UNKL: variants seen among roughly 807,000 people sequenced by gnomAD.
UNKL encodes putative E3 ubiquitin-protein ligase UNKL.
In UNKL, 60 loss-of-function variants were observed where a neutral mutation model predicts 78.0. The observed-to-expected ratio is 0.77, with a 90% CI of 0.63 to 0.95. UNKL has a LOEUF of 0.95. Among genes scored for constraint, UNKL ranks in the 40% least tolerant of loss-of-function variants. The pLI, the probability that UNKL is intolerant of heterozygous loss-of-function variation, is 0.00. For missense variants in UNKL, 1,159 were observed against 1,045.7 expected (o/e 1.11, Z -1.49); for synonymous variants, 608 against 474.8 (o/e 1.28, Z -3.65).
chr16:1,391,694 C>CA (rs1448161556), intron 8 of UNKL, among the ~76,000 whole-genome samples: 2 of 151,396 alleles, frequency 1.3e-5, no homozygotes. Flanking sequence ...CTTTTCTTTT[C>CA]ATTTTTTTTC....
rs1327639728 is a variant in UNKL at position 1,363,451 on chromosome 16, C to T, written c.*2789G>A. 4 of 344,566 alleles carry T rather than the reference C, an allele frequency of 1.2e-5. No individual in the cohort carries two copies. The highest frequency in any genetic ancestry group is 2.3e-5 in the South Asian group (1 of 43,518). The allele number at this position is 344,566 out of a possible 1,614,324, so 21.3% of individuals were successfully genotyped here. On this transcript the variant is annotated 3_prime_UTR_variant, in exon 15 of 15. Transcript: ENST00000389221. The stretch of plus-strand genomic sequence containing the variant: ...GAAATTAATCCACTTGAGGCGTCCA[C>T]GCGGAACAAGGTCTGCTGACCACAG...
At chr16:1,400,481 T>C (rs1330844924) in intron 4 of UNKL, among the ~76,000 whole-genome samples, 1 of 107,892 alleles carries the variant, frequency 9.3e-6, no homozygotes, top group Non-Finnish European at 1.9e-5. Flanking sequence ...ATGTCCAGAA[T>C]ACACAAATTC....
chr16:1,401,706 A>C lies in UNKL; in HGVS notation c.465-5T>G, dbSNP rs993333549. The C allele has an allele frequency of 6.2e-7, 1 of 1,607,212 alleles. No individual in the cohort carries two copies. Among genetic ancestry groups the C allele is most frequent in the Non-Finnish European group, 8.5e-7 (1 of 1,177,990 alleles). On this transcript the variant is annotated splice_region_variant and splice_polypyrimidine_tract_variant and intron_variant, in intron 3 of 14. Transcript: ENST00000389221. ...GCTTCCTGGGCCTGCAGCTCCCTGC[A>C]AGCCGAGGACACAGTGGTCACAGCT...
chr16:1,388,913 T>C (rs1346255112), intron 9 of UNKL, among the ~76,000 whole-genome samples: 3 of 152,144 alleles, frequency 2.0e-5, no homozygotes, highest in African/African-American at 7.2e-5. Context: ...AAATATAATA[T>C]AAAATTTGCT....
At chr16:1,394,046 G>T in intron 7 of UNKL, 85 bp downstream of exon 7, 1 of 1,412,408 alleles carries the variant, frequency 7.1e-7, no homozygotes, top group Non-Finnish European at 9.7e-7. Flanking sequence ...CTCGTGGGCA[G>T]CTCCGGGTCA....
At chr16:1,385,448 G>A (rs117511213) in intron 9 of UNKL, 63 bp from the exon 10 acceptor site, 5 of 1,274,206 alleles carry the variant, frequency 3.9e-6, no homozygotes, top group Admixed American at 8.4e-5. Flanking sequence ...GCGCCACGTC[G>A]GCACCCTGCA....
chr16:1,414,341 C>T (rs1347509486), intron 1 of UNKL, among the ~76,000 whole-genome samples: 1 of 152,092 alleles, frequency 6.6e-6, no homozygotes, highest in African/African-American at 2.4e-5. Flanking sequence ...CAGAGGGTCC[C>T]GGTCCCCGAG....
intron 10 of UNKL, among the ~76,000 whole-genome samples, chr16:1,383,059 A>C (rs2036662451): frequency 6.7e-6 from 1 of 150,144 alleles, no homozygotes; most frequent in Non-Finnish European, 1.5e-5. Context: ...GGAGATCAAG[A>C]CCAGGCTGGC....
At position 1,366,278 on chromosome 16, in the gene UNKL, C is replaced by A; in HGVS notation, c.2164G>T (p.Glu722Ter). Reference sequence around the variant, plus strand: ...GGCTGGCCCTTGCAGTAGGGGCACTCAGGTGCGGTGGCCGCACACGGCTCA... The same window carrying A: ...GGCTGGCCCTTGCAGTAGGGGCACTAAGGTGCGGTGGCCGCACACGGCTCA... The part of the protein sequence containing the change: ...LCEPCAATAP[E>*]CPYCKGQPLQ... Residue 722 changes from glutamate (E) to a stop codon, truncating the protein, a stop_gained, in exon 15 of 15, where the codon GAG (glutamate) becomes TAG (stop). Coordinates refer to ENST00000389221, the MANE Select transcript of UNKL (RefSeq NM_001372107.1). LOFTEE classifies it high-confidence loss of function. 1 of 1,592,708 alleles carries A rather than the reference C, an allele frequency of 6.3e-7. No individual in the cohort carries two copies. Among genetic ancestry groups the A allele is most frequent in the Middle Eastern group, 2.1e-4 (1 of 4,802 alleles).
intron 10 of UNKL, among the ~76,000 whole-genome samples, chr16:1,382,402 T>A (rs919368155): frequency 2.6e-5 from 4 of 152,156 alleles, no homozygotes; most frequent in Non-Finnish European, 5.9e-5. Flanking sequence ...GGCAGCCCCA[T>A]ACTCCCAGCC....
At chr16:1,371,417 C>A (rs2035828304) in intron 11 of UNKL, 102 bp downstream of exon 11, 2 of 1,152,710 alleles carry the variant, frequency 1.7e-6, no homozygotes, top group East Asian at 5.1e-5. Context: ...AACCTCAGCT[C>A]ACTGCAGCCT....
In UNKL at chr16:1,399,942, C is replaced by A. The variant is rs551612190; in HGVS notation, c.599-433G>T. 1.6e-5 allele frequency among the ~76,000 whole-genome samples: 1 copy of A among 60,790 alleles called. No homozygotes were observed. The highest frequency in any genetic ancestry group is 1.1e-3 in the East Asian group (1 of 906). The allele number at this position is 60,790 out of a possible 152,430, so 39.9% of individuals were successfully genotyped here. A position where few individuals can be genotyped will look rare whatever the true frequency, so the allele number is the denominator to read the frequency against. Reference sequence around the variant, plus strand: ...TGCCGCATGGTGAGCCTCATGCGCACCACAGCCTCTGGGTGACAAGCACAC... The same window carrying A: ...TGCCGCATGGTGAGCCTCATGCGCAACACAGCCTCTGGGTGACAAGCACAC... On this transcript the variant is annotated intron_variant, in intron 4 of 14. Coordinates refer to ENST00000389221, the MANE Select transcript of UNKL (RefSeq NM_001372107.1). The surrounding 1 kb of genome is among the most constrained non-coding windows in gnomAD (Gnocchi z 5.8).
chr16:1,405,434 G>A lies in UNKL; in HGVS notation c.288-2090C>T, dbSNP rs115553883. On this transcript the variant is annotated intron_variant, in intron 2 of 14. Coordinates refer to ENST00000389221, the MANE Select transcript of UNKL (RefSeq NM_001372107.1). ...TCTACTAAAAATACAAAATTTAGCCGGGCATGATAGCAGGCGCTTATAATC... is the reference window on the plus strand; with the variant it reads ...TCTACTAAAAATACAAAATTTAGCCAGGCATGATAGCAGGCGCTTATAATC... Among the ~76,000 whole-genome samples the A allele has an allele frequency of 8.1e-3, 1,236 of 151,914 alleles. 17 individuals are homozygous for A. The highest frequency in any genetic ancestry group is 0.029 in the African/African-American group (1,183 of 41,440).
chr16:1,370,472 G>A, intron 11 of UNKL, 115 bp from the exon 12 acceptor site: 4 of 1,443,110 alleles, frequency 2.8e-6, no homozygotes, highest in Non-Finnish European at 2.7e-6. Flanking sequence ...TGGGGATATG[G>A]GGGGTGGGAA....
chr16:1,370,048 G>A (rs1393706762), intron 12 of UNKL, 82 bp downstream of exon 12: 3 of 1,550,692 alleles, frequency 1.9e-6, no homozygotes, highest in East Asian at 2.4e-5. Flanking sequence ...TCCGTGTGAG[G>A]CCCCTCAGTC....
At position 1,375,502 on chromosome 16, in the gene UNKL, C is replaced by T. The variant is rs552659257; in HGVS notation, c.1265-3891G>A. Among the ~76,000 whole-genome samples, 187 of 152,356 alleles carry T rather than the reference C, an allele frequency of 1.2e-3. 3 individuals are homozygous for T. Among genetic ancestry groups the T allele is most frequent in the African/African-American group, 4.3e-3 (177 of 41,574 alleles). On this transcript the variant is annotated intron_variant, in intron 10 of 14. Transcript: ENST00000389221. ...GCAACACTGTCCTTCCCCATCCCGT[C>T]ACAGAGGCAGCAGGGCCCAGGGCAG...
At chr16:1,407,881 C>T (rs2037840019) in intron 2 of UNKL, among the ~76,000 whole-genome samples, 1 of 152,238 alleles carries the variant, frequency 6.6e-6, no homozygotes. Flanking sequence ...TACACAGCTG[C>T]AGGCCACGTG....
intron 10 of UNKL, among the ~76,000 whole-genome samples, chr16:1,381,353 C>T (rs2036599610): frequency 6.6e-6 from 1 of 152,222 alleles, no homozygotes; most frequent in African/African-American, 2.4e-5. Context: ...GGTGTGGTGG[C>T]TCACGCCTGT....
chr16:1,414,554 G>T, intron 1 of UNKL, 61 bp downstream of exon 1: 1 of 755,398 alleles, frequency 1.3e-6, no homozygotes, highest in Non-Finnish European at 1.6e-6. Context: ...GCGAGCCCCG[G>T]CGGGAGGCTC....
Sources: gnomAD v4.1 joint callset for allele counts (sites outside exome capture counted in the v4.1 genomes callset) on GRCh38, gnomAD v4.1.1 for gene constraint, Gnocchi (gnomAD v3.1) non-coding constraint, MANE v1.5 for transcripts, NCBI Gene and HGNC (gene_info 2026-07-23, HGNC 2026-07-21) for gene names.